Variants in TENM1 observed in about 807,000 individuals in gnomAD.
TENM1 encodes the protein teneurin-1.
Under a neutral mutation model 174.8 loss-of-function variants are expected in TENM1, and 35 were observed. The ratio of observed to expected loss-of-function variants is 0.20; its 90% CI spans 0.15 to 0.27. TENM1 has a LOEUF of 0.27. TENM1 is among the 10% of genes least tolerant of loss of function. The pLI, the probability that TENM1 is intolerant of heterozygous loss-of-function variation, is 1.00. For missense variants in TENM1, 1,633 were observed against 2,130.1 expected, an observed-to-expected ratio of 0.77 and a Z score of 4.59; for synonymous variants, 781 against 798.7, an observed-to-expected ratio of 0.98 and a Z score of 0.37.
the TENM1 span, among the ~76,000 whole-genome samples, chrX:125,178,210 C>A: frequency 1.8e-5 from 2 of 111,287 alleles, no homozygotes; most frequent in East Asian, 5.7e-4. Flanking sequence ...TTTTGCTCCC[C>A]ATATTAAGAT....
At chrX:124,985,083 T>C in the TENM1 span, among the ~76,000 whole-genome samples, 2 of 112,257 alleles carry the variant, frequency 1.8e-5, no homozygotes, top group Non-Finnish European at 3.8e-5. Flanking sequence ...TGAATTACAG[T>C]CAACCCTCAG....
the TENM1 span, among the ~76,000 whole-genome samples, chrX:125,079,111 G>A: frequency 9.0e-6 from 1 of 111,628 alleles, no homozygotes; most frequent in Admixed American, 9.5e-5. Context: ...AATCAATCAA[G>A]TACAGACAAA....
intron 23 of TENM1, among the ~76,000 whole-genome samples, chrX:124,429,934 T>C (rs1243810573): frequency 1.8e-5 from 2 of 111,955 alleles, no homozygotes; most frequent in Non-Finnish European, 3.8e-5. Flanking sequence ...CATTAAGTCA[T>C]GGAGAGTGGT....
At chrX:124,988,976 A>T in the TENM1 span, among the ~76,000 whole-genome samples, 1 of 111,854 alleles carries the variant, frequency 8.9e-6, no homozygotes, top group African/African-American at 3.2e-5. Flanking sequence ...AAGACTAAAA[A>T]TTTTTTCCCT....
At chrX:124,675,204 T>C (rs1375517620) in intron 5 of TENM1, among the ~76,000 whole-genome samples, 1 of 111,661 alleles carries the variant, frequency 9.0e-6, no homozygotes, top group African/African-American at 3.3e-5. Flanking sequence ...TGTGAATATA[T>C]AATGAAAGTT....
At chrX:125,181,084 T>G in the TENM1 span, among the ~76,000 whole-genome samples, 1 of 111,996 alleles carries the variant, frequency 8.9e-6, no homozygotes, top group African/African-American at 3.2e-5. Flanking sequence ...GCAGAAGTAA[T>G]AGCTAATATT....
intron 11 of TENM1, among the ~76,000 whole-genome samples, chrX:124,615,512 T>C (rs907673089): frequency 2.7e-5 from 3 of 112,236 alleles, no homozygotes; most frequent in Non-Finnish European, 5.6e-5. Context: ...GCAAAGAGCA[T>C]TGAAAAGTAC....
At chrX:124,709,442 T>G (rs1364624761) in intron 4 of TENM1, among the ~76,000 whole-genome samples, 1 of 110,034 alleles carries the variant, frequency 9.1e-6, no homozygotes, top group Non-Finnish European at 1.9e-5. Flanking sequence ...AGGATGATGT[T>G]TAACTGAGCC....
At chrX:124,753,931 G>T (rs1414761497) in intron 3 of TENM1, among the ~76,000 whole-genome samples, 18 of 111,727 alleles carry the variant, frequency 1.6e-4, no homozygotes, top group African/African-American at 5.9e-4. Flanking sequence ...ATTCATCAAG[G>T]ATATTGGTCT....
intron 19 of TENM1, among the ~76,000 whole-genome samples, chrX:124,498,886 T>C (rs1424035851): frequency 9.0e-6 from 1 of 111,461 alleles, no homozygotes; most frequent in East Asian, 2.8e-4. Context: ...TGTGGCCAAA[T>C]CATTATAAGT....
chrX:124,783,783 T>C lies in TENM1; in HGVS notation c.536-46586A>G, dbSNP rs190891754. On this transcript the variant is annotated intron_variant, in intron 3 of 31. Transcript: ENST00000422452. Reference sequence around the variant, plus strand: ...GAGGCAGCACAGGGTGGCAGAAATCTTGACAGAAAACTCTCAGTATCTCTC... The same window carrying C: ...GAGGCAGCACAGGGTGGCAGAAATCCTGACAGAAAACTCTCAGTATCTCTC... Among the ~76,000 whole-genome samples, 5 of 112,076 alleles carry C rather than the reference T, an allele frequency of 4.5e-5. No homozygotes were observed. The East Asian group carries it at 1.4e-3, about 31-fold the overall frequency.
chrX:125,085,560 C>T, the TENM1 span, among the ~76,000 whole-genome samples: 2 of 111,252 alleles, frequency 1.8e-5, no homozygotes, highest in Non-Finnish European at 3.8e-5. Context: ...AACACCTTCA[C>T]AAAAACTTAA....
At chrX:125,085,535 G>C in the TENM1 span, among the ~76,000 whole-genome samples, 5 of 111,094 alleles carry the variant, frequency 4.5e-5, no homozygotes, top group African/African-American at 1.6e-4. Context: ...CTAACTGTGA[G>C]AGTGCCTGTC....
chrX:124,539,158 G>C (rs1214904481), intron 15 of TENM1, among the ~76,000 whole-genome samples: 1 of 111,608 alleles, frequency 9.0e-6, no homozygotes, highest in Non-Finnish European at 1.9e-5. Flanking sequence ...ACAGAATTTT[G>C]ATTCAACAGG....
chrX:125,109,400 G>T, the TENM1 span, among the ~76,000 whole-genome samples: 7 of 110,417 alleles, frequency 6.3e-5, no homozygotes, highest in Admixed American at 1.9e-4. Flanking sequence ...TCGGGGGTAC[G>T]TGTGCAGGAT....
At chrX:124,506,268 T>C (rs2047446265) in intron 18 of TENM1, among the ~76,000 whole-genome samples, 1 of 111,083 alleles carries the variant, frequency 9.0e-6, no homozygotes, top group African/African-American at 3.3e-5. Context: ...GGAGCCTGCT[T>C]TTTCTCTCTC....
chrX:125,197,347 G>A, the TENM1 span, among the ~76,000 whole-genome samples: 2 of 111,422 alleles, frequency 1.8e-5, no homozygotes, highest in Admixed American at 9.6e-5. Flanking sequence ...CAACTAAATA[G>A]AAAAACAATT....
chrX:124,963,924 A>C, upstream of TENM1: 1 of 445,863 alleles, frequency 2.2e-6, no homozygotes, highest in Non-Finnish European at 3.8e-6. Context: ...AAAGGAGAGA[A>C]GTAAAAGACA....
chrX:124,548,095 C>T (rs1462540173), intron 14 of TENM1, among the ~76,000 whole-genome samples: 2 of 112,082 alleles, frequency 1.8e-5, no homozygotes, highest in African/African-American at 6.5e-5. Context: ...CTCGGCCTCC[C>T]AAAGTGCTGG....
Sources: allele counts gnomAD v4.1 joint callset (sites outside exome capture counted in the v4.1 genomes callset), GRCh38; gene constraint gnomAD v4.1.1; transcripts MANE v1.5; gene names NCBI Gene and HGNC (gene_info 2026-07-23, HGNC 2026-07-21).